The following PSD3 variants were observed in gnomAD, a reference collection of about 807,000 sequenced individuals.
PSD3 encodes the protein PH and SEC7 domain-containing protein 3.
A neutral mutation model predicts 105.5 loss-of-function variants in PSD3; 49 were observed. That is an observed-to-expected ratio of 0.46 (90% CI 0.37 to 0.59). The LOEUF (loss-of-function observed/expected upper bound fraction) is 0.59, where lower values mean the gene tolerates loss of function less well. PSD3 is among the 20% of genes least tolerant of loss of function. The pLI, the probability that PSD3 is intolerant of heterozygous loss-of-function variation, is 0.00. For missense variants in PSD3, 1,561 were observed against 1,263.8 expected (o/e 1.24, Z -3.57); for synonymous variants, 557 against 457.8 (o/e 1.22, Z -2.77).
intron 9 of PSD3, among the ~76,000 whole-genome samples, chr8:18,712,827 A>G (rs1351614635): frequency 6.6e-6 from 1 of 152,208 alleles, no homozygotes; most frequent in Admixed American, 6.5e-5. Flanking sequence ...CAGAGATATA[A>G]CAAAAAAAAG....
intron 9 of PSD3, among the ~76,000 whole-genome samples, chr8:18,745,334 C>A (rs1804920508): frequency 6.6e-6 from 1 of 152,134 alleles, no homozygotes; most frequent in African/African-American, 2.4e-5. Flanking sequence ...TAAAATTTTT[C>A]TGTAATAAAA....
intron 4 of PSD3, among the ~76,000 whole-genome samples, chr8:18,857,564 C>T (rs184269086): frequency 3.1e-3 from 472 of 152,296 alleles, no homozygotes; most frequent in African/African-American, 0.011. Flanking sequence ...TACAGAGCTC[C>T]CTGTATGATT....
rs1005006492 is a variant in PSD3 at position 18,714,213 on chromosome 8, G to A, written c.2172+51236C>T. 4.6e-5 allele frequency among the ~76,000 whole-genome samples: 7 copies of A among 152,058 alleles called. No individual in the cohort carries two copies. In the East Asian group the frequency reaches 1.3e-3, roughly 29 times the overall value. ...CTAGGCAATACCATTCAGGACATACGCATGGGCAAAGATTTTATGATGAAA... is the reference window on the plus strand; with the variant it reads ...CTAGGCAATACCATTCAGGACATACACATGGGCAAAGATTTTATGATGAAA... On this transcript the variant is annotated intron_variant, in intron 9 of 15. Transcript: ENST00000327040.
chr8:19,007,368 A>G (rs1375656416), intron 1 of PSD3, among the ~76,000 whole-genome samples: 1 of 152,098 alleles, frequency 6.6e-6, no homozygotes, highest in African/African-American at 2.4e-5. Context: ...AGCGGCCTGA[A>G]GCTATTTAAA....
rs1421654684 is a variant in PSD3, at chr8:18,632,571, A to G, written c.2410+42T>C. ...TTCCCTTTAAATTTTGAGCATAAAGATAAAATAAATGAAATAGAAAATGAC... is the reference window on the plus strand; with the variant it reads ...TTCCCTTTAAATTTTGAGCATAAAGGTAAAATAAATGAAATAGAAAATGAC... On this transcript the variant is annotated intron_variant, in intron 11 of 15. Transcript: ENST00000327040. 2.6e-6 allele frequency: 4 copies of G among 1,553,892 alleles called. No homozygotes were observed. In the African/African-American group the frequency reaches 4.2e-5, roughly 16 times the overall value.
chr8:18,720,273 C>G (rs1164904068), intron 9 of PSD3, among the ~76,000 whole-genome samples: 4 of 152,184 alleles, frequency 2.6e-5, no homozygotes, highest in Admixed American at 2.6e-4. Context: ...CAGGCACATT[C>G]CAATCATTCC....
At chr8:18,585,593 C>T (rs1803119874) in intron 12 of PSD3, among the ~76,000 whole-genome samples, 1 of 152,140 alleles carries the variant, frequency 6.6e-6, no homozygotes. Flanking sequence ...GCTGGGATTA[C>T]AGGTGTGAGC....
At chr8:18,946,480 G>C (rs1026582361) in intron 1 of PSD3, among the ~76,000 whole-genome samples, 1 of 152,294 alleles carries the variant, frequency 6.6e-6, no homozygotes, top group Admixed American at 6.5e-5. Context: ...ACTCAGGAGC[G>C]TGAGGGAGGA....
rs1242889301 is a variant in PSD3, at chr8:18,750,791, C to T, written c.2172+14658G>A. The stretch of plus-strand genomic sequence containing the variant: ...TGGACACACAGGTTCTCCAAGGCCC[C>T]ACCAGAGCAGCTAGACACAGAGTGT... On this transcript the variant is annotated intron_variant, in intron 9 of 15. Transcript: ENST00000327040. Among the ~76,000 whole-genome samples the T allele has an allele frequency of 2.6e-5, 4 of 152,106 alleles. No homozygotes were observed. The South Asian group carries it at 6.2e-4, about 24-fold the overall frequency.
At chr8:18,576,190 G>A (rs1275010939) in intron 12 of PSD3, among the ~76,000 whole-genome samples, 1 of 152,056 alleles carries the variant, frequency 6.6e-6, no homozygotes, top group Non-Finnish European at 1.5e-5. Context: ...CAGTTCAAAT[G>A]TACTATTGCC....
chr8:18,554,686 C>T (rs1334496799), intron 15 of PSD3, among the ~76,000 whole-genome samples: 1 of 152,086 alleles, frequency 6.6e-6, no homozygotes, highest in Admixed American at 6.6e-5. Context: ...AACTTAGGCT[C>T]ATAGTTTTGG....
chr8:18,809,248 G>T (rs979392712), intron 4 of PSD3, among the ~76,000 whole-genome samples: 1 of 152,074 alleles, frequency 6.6e-6, no homozygotes, highest in Non-Finnish European at 1.5e-5. Context: ...GCCTAGTAAG[G>T]TTGCAAATAA....
intron 1 of PSD3, among the ~76,000 whole-genome samples, chr8:18,964,829 A>T (rs1283046059): frequency 6.6e-6 from 1 of 152,244 alleles, no homozygotes; most frequent in African/African-American, 2.4e-5. Context: ...AAGGTGGCAT[A>T]GATTTGTTCA....
intron 12 of PSD3, among the ~76,000 whole-genome samples, chr8:18,577,245 T>C (rs1802516683): frequency 6.6e-6 from 1 of 152,084 alleles, no homozygotes; most frequent in Admixed American, 6.6e-5. Flanking sequence ...TTCATAATTT[T>C]ATTGGCTTAT....
intron 8 of PSD3, among the ~76,000 whole-genome samples, chr8:18,785,599 G>T (rs1168455722): frequency 2.0e-5 from 3 of 152,144 alleles, no homozygotes; most frequent in African/African-American, 7.2e-5. Flanking sequence ...CACCGGAATG[G>T]CACTTTTAAT....
chr8:18,687,533 C>G (rs185761014), intron 9 of PSD3, among the ~76,000 whole-genome samples: 2 of 151,250 alleles, frequency 1.3e-5, no homozygotes, highest in African/African-American at 4.9e-5. Context: ...GAAATGATTT[C>G]CCCCCTAACT....
intron 8 of PSD3, among the ~76,000 whole-genome samples, chr8:18,795,363 T>C (rs1356377531): frequency 6.6e-6 from 1 of 152,200 alleles, no homozygotes; most frequent in Non-Finnish European, 1.5e-5. Flanking sequence ...ACCAGGCTCT[T>C]ATACCAATTG....
chr8:19,006,310 A>T (rs144320982), intron 1 of PSD3, among the ~76,000 whole-genome samples: 17,764 of 149,768 alleles, frequency 0.12, 1,508 homozygotes, highest in African/African-American at 0.21. Context: ...AAAAAAAAAA[A>T]AAAGAATATA....
Position 19,061,525 on chromosome 8 carries a change from C to T in PSD3, c.324+22681G>A, listed in dbSNP as rs1044119062. Among the ~76,000 whole-genome samples, 9 of 152,118 alleles carry T rather than the reference C, an allele frequency of 5.9e-5. No homozygotes were observed. In the East Asian group the frequency reaches 7.8e-4, roughly 13 times the overall value. The stretch of plus-strand genomic sequence containing the variant: ...GCATTTAAAAAAAAAAATCACTTCC[C>T]GGCCAGGTGCGGAGGCTCACGCCTG... On this transcript the variant is annotated intron_variant, in intron 1 of 1. Transcript: ENST00000521475.
Sources: gnomAD v4.1 joint callset for allele counts (sites outside exome capture counted in the v4.1 genomes callset) on GRCh38, gnomAD v4.1.1 for gene constraint, MANE v1.5 for transcripts, NCBI Gene and HGNC (gene_info 2026-07-23, HGNC 2026-07-21) for gene names.